The following UVRAG variants were observed in gnomAD, a reference collection of about 807,000 sequenced individuals.
The protein encoded by UVRAG is UV radiation resistance-associated gene protein.
Under a neutral mutation model 78.0 loss-of-function variants are expected in UVRAG, and 19 were observed. That is an observed-to-expected ratio of 0.24 (90% CI 0.17 to 0.36). The LOEUF (loss-of-function observed/expected upper bound fraction) is 0.36, where lower values mean the gene tolerates loss of function less well. Among genes scored for constraint, UVRAG ranks in the 10% least tolerant of loss-of-function variants. UVRAG has a pLI of 1.00. For synonymous variants in UVRAG, 323 were observed against 324.6 expected, an observed-to-expected ratio of 1.00 and a Z score of 0.05; for missense variants, 740 against 853.8, an observed-to-expected ratio of 0.87 and a Z score of 1.66.
At chr11:75,949,604 A>G (rs1480613818) in intron 6 of UVRAG, among the ~76,000 whole-genome samples, 1 of 151,728 alleles carries the variant, frequency 6.6e-6, no homozygotes, top group Non-Finnish European at 1.5e-5. Context: ...AGTAAATAGC[A>G]TCACCATTTT....
intron 5 of UVRAG, among the ~76,000 whole-genome samples, chr11:75,902,665 G>C (rs1183823768): frequency 6.6e-6 from 1 of 151,874 alleles, no homozygotes; most frequent in Non-Finnish European, 1.5e-5. Context: ...AAATTTTATA[G>C]TTAAGTGTTG....
At chr11:75,870,937 C>A (rs1199914957) in intron 3 of UVRAG, among the ~76,000 whole-genome samples, 1 of 147,794 alleles carries the variant, frequency 6.8e-6, no homozygotes, top group Non-Finnish European at 1.5e-5. Context: ...TGGCGCGATC[C>A]CGGCTCACTG....
rs180734569 is a variant in UVRAG at position 75,938,234 on chromosome 11, A to C, written c.594-23210A>C. On this transcript the variant is annotated intron_variant, in intron 6 of 14. Coordinates refer to ENST00000356136, the MANE Select transcript of UVRAG (RefSeq NM_003369.4). ...TTTTTCAAAAATTTTCAATGTCACT[A>C]TATGTTCAGTCTATTTTCTGGCTTT... Among the ~76,000 whole-genome samples, 9 of 152,116 alleles carry C rather than the reference A, an allele frequency of 5.9e-5. No homozygotes were observed. In the East Asian group the frequency reaches 1.7e-3, roughly 29 times the overall value.
chr11:76,129,313 G>C (rs1952471655), intron 14 of UVRAG, among the ~76,000 whole-genome samples: 2 of 152,190 alleles, frequency 1.3e-5, no homozygotes, highest in African/African-American at 4.8e-5. Context: ...TCCAGAAAAG[G>C]AATCTTGTTA....
chr11:75,919,249 A>G lies in UVRAG; in HGVS notation c.593+7210A>G, dbSNP rs1286225183. On this transcript the variant is annotated intron_variant, in intron 6 of 14. Transcript: ENST00000356136. The stretch of plus-strand genomic sequence containing the variant: ...GATTTTTTTTTTTCCTCCCTGCCTA[A>G]TGGACTCTAAGTGGTAATTGCAGTT... 3.9e-5 allele frequency among the ~76,000 whole-genome samples: 6 copies of G among 152,046 alleles called. No individual in the cohort carries two copies. In the South Asian group the frequency reaches 1.0e-3, roughly 26 times the overall value.
At chr11:76,091,990 C>T (rs1032401227) in intron 13 of UVRAG, among the ~76,000 whole-genome samples, 17 of 151,954 alleles carry the variant, frequency 1.1e-4, no homozygotes, top group Non-Finnish European at 1.9e-4. Flanking sequence ...CCCCTTCCCC[C>T]GACCCCACAA....
rs371640075 is a variant in UVRAG at position 75,815,243 on chromosome 11, A to G, written c.-165A>G. The G allele has an allele frequency of 4.4e-5, 20 of 451,134 alleles. 1 individual carries two copies. The highest frequency in any genetic ancestry group is 3.0e-4 in the Admixed American group (7 of 23,220). The allele number at this position is 451,134 out of a possible 1,614,324, so 27.9% of individuals were successfully genotyped here. ...GGCTCTTCCTTAGCCAGCGGCGGCAACGGCGGCAGCGGCGGCAGCGGCGGC... is the reference window on the plus strand; with the variant it reads ...GGCTCTTCCTTAGCCAGCGGCGGCAGCGGCGGCAGCGGCGGCAGCGGCGGC... On this transcript the variant is annotated 5_prime_UTR_variant, in exon 1 of 15. Transcript: ENST00000356136.
At chr11:75,983,099 A>G (rs1366179598) in intron 7 of UVRAG, among the ~76,000 whole-genome samples, 2 of 152,134 alleles carry the variant, frequency 1.3e-5, no homozygotes, top group Non-Finnish European at 2.9e-5. Flanking sequence ...AGTTTTAAAA[A>G]TCTTATTGTA....
rs186991492 is a variant in UVRAG, at chr11:75,992,731, A to G, written c.826+9218A>G. On this transcript the variant is annotated intron_variant, in intron 8 of 14. Coordinates refer to ENST00000356136, the MANE Select transcript of UVRAG (RefSeq NM_003369.4). ...CTTCAATATTCTATTCTAAACATAT[A>G]CTATTATATGCTTGTGTTGAACATT... Among the ~76,000 whole-genome samples the G allele has an allele frequency of 2.6e-5, 4 of 152,306 alleles. No homozygotes were observed. In the East Asian group the frequency reaches 5.8e-4, roughly 22 times the overall value.
intron 14 of UVRAG, among the ~76,000 whole-genome samples, chr11:76,118,942 A>G (rs1952230459): frequency 2.0e-5 from 3 of 152,092 alleles, no homozygotes; most frequent in African/African-American, 7.2e-5. Flanking sequence ...GAACCTAGAA[A>G]AAAACTACTG....
intron 6 of UVRAG, among the ~76,000 whole-genome samples, chr11:75,913,574 C>A (rs1266470354): frequency 6.6e-6 from 1 of 152,156 alleles, no homozygotes; most frequent in South Asian, 2.1e-4. Context: ...ATCTTATTCT[C>A]TTAGAAGTCC....
intron 12 of UVRAG, among the ~76,000 whole-genome samples, chr11:76,028,820 G>T (rs1235503995): frequency 6.6e-6 from 1 of 152,154 alleles, no homozygotes; most frequent in Non-Finnish European, 1.5e-5. Flanking sequence ...GAAGCAGGAA[G>T]TGCTGATAGA....
intron 1 of UVRAG, among the ~76,000 whole-genome samples, chr11:75,851,400 T>A (rs1460300346): frequency 6.6e-6 from 1 of 152,210 alleles, no homozygotes; most frequent in African/African-American, 2.4e-5. Flanking sequence ...GTCACTATTT[T>A]TATTTTTTGG....
intron 5 of UVRAG, among the ~76,000 whole-genome samples, chr11:75,905,230 TCTC>T (rs1240821647): frequency 6.6e-6 from 1 of 152,236 alleles, no homozygotes; most frequent in African/African-American, 2.4e-5. Flanking sequence ...CTGTCCTTTT[TCTC>T]CTCATCTCCT....
At chr11:76,092,755 A>G (rs1311608117) in intron 13 of UVRAG, among the ~76,000 whole-genome samples, 2 of 152,076 alleles carry the variant, frequency 1.3e-5, no homozygotes, top group African/African-American at 4.8e-5. Flanking sequence ...AGATGAGTAG[A>G]TTGCAAAAAT....
At position 75,983,398 on chromosome 11, in the gene UVRAG, T is replaced by C. The variant is rs978765153; in HGVS notation, c.711T>C (p.Ser237=). Residue 237 remains serine (S), a synonymous_variant, in exon 8 of 15, where the codon AGT becomes AGC. Coordinates refer to ENST00000356136, the MANE Select transcript of UVRAG (RefSeq NM_003369.4). ...TTTTATTTATTTAGAAAAAAAAAAG[T>C]GAATGCCTGCAGTTAAAAATTTTGG... The part of the protein sequence containing the change: ...TSTSNELKKK[S]ECLQLKILVL... The C allele has an allele frequency of 1.9e-6, 3 of 1,579,176 alleles. No individual in the cohort carries two copies. The highest frequency in any genetic ancestry group is 2.6e-6 in the Non-Finnish European group (3 of 1,166,566).
chr11:76,095,529 A>C (rs1042268224), intron 13 of UVRAG, among the ~76,000 whole-genome samples: 3 of 149,788 alleles, frequency 2.0e-5, no homozygotes, highest in African/African-American at 7.4e-5. Context: ...TCATATATAA[A>C]TATATGTCTT....
chr11:76,021,170 A>G (rs1394072794), intron 12 of UVRAG, among the ~76,000 whole-genome samples: 1 of 152,088 alleles, frequency 6.6e-6, no homozygotes, highest in Non-Finnish European at 1.5e-5. Context: ...TATGAAGTTA[A>G]AACCAGGTAC....
chr11:76,105,904 C>T (rs1480709706), intron 13 of UVRAG, among the ~76,000 whole-genome samples: 4 of 152,158 alleles, frequency 2.6e-5, no homozygotes, highest in African/African-American at 9.7e-5. Context: ...GAATGAAAAA[C>T]TTATATAATC....
Sources: gnomAD v4.1 joint callset for allele counts (sites outside exome capture counted in the v4.1 genomes callset) on GRCh38, gnomAD v4.1.1 for gene constraint, MANE v1.5 for transcripts, NCBI Gene and HGNC (gene_info 2026-07-23, HGNC 2026-07-21) for gene names.